MIER2: variants seen among roughly 807,000 people sequenced by gnomAD.
MIER2 encodes the protein mesoderm induction early response protein 2.
Under a neutral mutation model 67.6 loss-of-function variants are expected in MIER2, and 30 were observed. That is an observed-to-expected ratio of 0.44 (90% CI 0.33 to 0.60). The LOEUF (loss-of-function observed/expected upper bound fraction) is 0.60. MIER2 is among the 20% of genes least tolerant of loss of function. The pLI, the probability that MIER2 is intolerant of heterozygous loss-of-function variation, is 0.02. For synonymous variants in MIER2, 372 were observed against 312.6 expected, an observed-to-expected ratio of 1.19 and a Z score of -2.00; for missense variants, 702 against 745.1, an observed-to-expected ratio of 0.94 and a Z score of 0.67.
chr19:326,757 G>A, intron 5 of MIER2, 159 bp from the exon 6 acceptor site: 1 of 630,172 alleles, frequency 1.6e-6, no homozygotes, highest in Non-Finnish European at 2.8e-6. Context: ...CCCAGGACCA[G>A]GGATGCACCT....
At chr19:325,471 A>C (rs1235417296) in intron 7 of MIER2, among the ~76,000 whole-genome samples, 164 bp downstream of exon 7, 1 of 152,142 alleles carries the variant, frequency 6.6e-6, no homozygotes, top group Non-Finnish European at 1.5e-5. Context: ...CAATAGGCCC[A>C]CTGCAGCCAC....
intron 7 of MIER2, among the ~76,000 whole-genome samples, chr19:318,779 G>T (rs1010655937): frequency 6.6e-6 from 1 of 152,258 alleles, no homozygotes; most frequent in Admixed American, 6.5e-5. Context: ...AAAGGAGGCT[G>T]GGCGCGGTGG....
rs796232840 is a variant in MIER2 at position 324,560 on chromosome 19, G to T, written c.655+1075C>A. ...TAAAGACACACACAACCACACAGAC[G>T]ACTCGAATGACACAGACGTCATCAC... On this transcript the variant is annotated intron_variant, in intron 7 of 13. Transcript: ENST00000264819. Among the ~76,000 whole-genome samples the T allele has an allele frequency of 1.6e-5, 2 of 123,194 alleles. 1 individual carries two copies. The highest frequency in any genetic ancestry group is 7.1e-5 in the African/African-American group (2 of 28,226). 80.8% of individuals were successfully genotyped at this position (123,194 alleles called of 152,430 possible).
In MIER2 at chr19:314,362, G is replaced by A. The variant is rs543311152; in HGVS notation, c.656-719C>T. Reference sequence around the variant, plus strand: ...GCAGCCTCCAGCTGTGGTGAGGGACGTGACTGGGGACAAGGCAGGGGAGAG... The same window carrying A: ...GCAGCCTCCAGCTGTGGTGAGGGACATGACTGGGGACAAGGCAGGGGAGAG... On this transcript the variant is annotated intron_variant, in intron 7 of 13. Coordinates refer to ENST00000264819, the MANE Select transcript of MIER2 (RefSeq NM_017550.3). 4.6e-5 allele frequency among the ~76,000 whole-genome samples: 7 copies of A among 152,356 alleles called. No individual in the cohort carries two copies. The East Asian group carries it at 5.8e-4, about 13-fold the overall frequency.
intron 7 of MIER2, among the ~76,000 whole-genome samples, chr19:314,840 A>G (rs1001280498): frequency 1.3e-5 from 2 of 152,194 alleles, no homozygotes; most frequent in African/African-American, 2.4e-5. Context: ...CTGTAATCCC[A>G]GCACTCTGGG....
chr19:339,079 C>CAAAA (rs572597641), intron 1 of MIER2, among the ~76,000 whole-genome samples: 1 of 74,628 alleles, frequency 1.3e-5, no homozygotes, highest in East Asian at 5.4e-4. Context: ...CACAAGTGAC[C>CAAAA]AAAAAAAAAA....
intron 3 of MIER2, among the ~76,000 whole-genome samples, chr19:331,363 A>G (rs1895376190): frequency 1.3e-5 from 2 of 151,618 alleles, no homozygotes. Context: ...GTCCCCAGAA[A>G]AAAAAAAAAA....
At chr19:311,982 G>A (rs370623272) in intron 9 of MIER2, 43 bp from the exon 10 acceptor site, 85 of 1,571,054 alleles carry the variant, frequency 5.4e-5, no homozygotes, top group African/African-American at 1.5e-4. Context: ...TGCCCAGGGC[G>A]GGGCCGCAGC....
intron 2 of MIER2, among the ~76,000 whole-genome samples, chr19:335,538 CA>C (rs781740362): frequency 6.6e-6 from 1 of 152,214 alleles, no homozygotes; most frequent in Non-Finnish European, 1.5e-5. Flanking sequence ...GAAAGAGACG[CA>C]GCCCTACACC....
intron 1 of MIER2, among the ~76,000 whole-genome samples, chr19:339,700 G>A (rs991673053): frequency 1.3e-5 from 2 of 152,056 alleles, no homozygotes; most frequent in South Asian, 4.1e-4. Flanking sequence ...TCATGCTCCT[G>A]AAACAGCCAG....
chr19:342,121 A>G (rs1179503032), intron 1 of MIER2, among the ~76,000 whole-genome samples: 2 of 151,868 alleles, frequency 1.3e-5, no homozygotes, highest in Non-Finnish European at 2.9e-5. Flanking sequence ...CCCTCCTCCC[A>G]CCCACACCAA....
Position 334,290 on chromosome 19 carries a change from G to T in MIER2, c.243+110C>A. On this transcript the variant is annotated intron_variant, in intron 3 of 13. Coordinates refer to ENST00000264819, the MANE Select transcript of MIER2 (RefSeq NM_017550.3). ...GACAGCATCTGGCACTTTGCAAAAA[G>T]ATGTACAATTTAGCACTTACCAATG... 9 of 1,472,880 alleles carry T rather than the reference G, an allele frequency of 6.1e-6. No homozygotes were observed. In the South Asian group the frequency reaches 1.0e-4, roughly 17 times the overall value. 91.2% of individuals were successfully genotyped at this position (1,472,880 alleles called of 1,614,324 possible).
intron 13 of MIER2, 75 bp from the exon 14 acceptor site, chr19:306,786 C>T (rs369826991): frequency 4.6e-5 from 71 of 1,547,530 alleles, no homozygotes; most frequent in Admixed American, 1.6e-4. Flanking sequence ...CAGTGCTGAG[C>T]GCTGGACTCG....
intron 7 of MIER2, among the ~76,000 whole-genome samples, chr19:322,702 T>A (rs1013699784): frequency 2.0e-5 from 3 of 150,998 alleles, no homozygotes; most frequent in South Asian, 2.1e-4. Context: ...GTGGAGCAAC[T>A]CCCACAAATC....
At position 312,066 on chromosome 19, in the gene MIER2, C is replaced by T. The variant is rs567005253; in HGVS notation, c.889+125G>A. ...GGCCGCAGCGGAAGGAAGGCCCAGG[C>T]CGGGGAGAACGGTCAGCGGCGCCCA... On this transcript the variant is annotated intron_variant, in intron 9 of 13. Transcript: ENST00000264819. 3,256 of 1,334,202 alleles carry T rather than the reference C, an allele frequency of 2.4e-3. 22 individuals carry two copies. The highest frequency in any genetic ancestry group is 2.9e-3 in the Non-Finnish European group (2,802 of 974,208). 82.6% of individuals were successfully genotyped at this position (1,334,202 alleles called of 1,614,324 possible).
At chr19:339,391 C>T (rs535361551) in intron 1 of MIER2, among the ~76,000 whole-genome samples, 34 of 152,152 alleles carry the variant, frequency 2.2e-4, no homozygotes, top group Non-Finnish European at 4.1e-4. Context: ...GCAAAGTCCA[C>T]ACTACGATAC....
chr19:322,272 T>A (rs992160025), intron 7 of MIER2, among the ~76,000 whole-genome samples: 1 of 152,074 alleles, frequency 6.6e-6, no homozygotes, highest in Non-Finnish European at 1.5e-5. Context: ...CAATAAATCT[T>A]CTAGAAAGAA....
chr19:309,785 GAC>G (rs762262353), intron 10 of MIER2, among the ~76,000 whole-genome samples: 50 of 106,166 alleles, frequency 4.7e-4, no homozygotes, highest in South Asian at 4.5e-3. Context: ...GACGAGAAGG[GAC>G]ACACACACAC....
intron 7 of MIER2, among the ~76,000 whole-genome samples, chr19:314,678 C>T (rs1194565205): frequency 6.6e-6 from 1 of 151,916 alleles, no homozygotes; most frequent in Non-Finnish European, 1.5e-5. Context: ...TTCTCCATCT[C>T]CACAGGCGAC....
Sources: gnomAD v4.1 joint callset for allele counts (sites outside exome capture counted in the v4.1 genomes callset) on GRCh38, gnomAD v4.1.1 for gene constraint, MANE v1.5 for transcripts, NCBI Gene and HGNC (gene_info 2026-07-23, HGNC 2026-07-21) for gene names.